Variants in SACS observed in about 807,000 individuals in gnomAD.
SACS encodes sacsin molecular chaperone.
Under a neutral mutation model 348.0 loss-of-function variants are expected in SACS, and 197 were observed. The ratio of observed to expected loss-of-function variants is 0.57; its 90% CI spans 0.50 to 0.64. The LOEUF (loss-of-function observed/expected upper bound fraction) is 0.64, where lower values mean the gene tolerates loss of function less well. SACS is among the 30% of genes least tolerant of loss of function. The pLI, the probability that SACS is intolerant of heterozygous loss-of-function variation, is 0.00. For missense variants in SACS, 4,999 were observed against 5,360.8 expected (o/e 0.93, Z 2.11); for synonymous variants, 1,985 against 1,910.6 (o/e 1.04, Z -1.02).
intron 6 of SACS, among the ~76,000 whole-genome samples, chr13:23,358,696 G>A (rs1870545432): frequency 6.6e-6 from 1 of 151,960 alleles, no homozygotes; most frequent in Non-Finnish European, 1.5e-5. Flanking sequence ...TACTATTGTT[G>A]GCCAAAAATC....
chr13:23,368,185 C>T (rs1020670377), intron 5 of SACS, among the ~76,000 whole-genome samples: 1 of 152,126 alleles, frequency 6.6e-6, no homozygotes, highest in Non-Finnish European at 1.5e-5. Flanking sequence ...AGTAGCTTAG[C>T]GCATTTCTTT....
At chr13:23,392,628 G>A (rs897726633) in intron 2 of SACS, among the ~76,000 whole-genome samples, 5 of 152,164 alleles carry the variant, frequency 3.3e-5, no homozygotes, top group African/African-American at 9.7e-5. Context: ...TATGAAAAAA[G>A]TAACTGATTC....
chr13:23,400,625 T>A (rs1566102939), intron 2 of SACS, among the ~76,000 whole-genome samples: 3 of 152,166 alleles, frequency 2.0e-5, no homozygotes. Context: ...TTTCACCGTG[T>A]TAGCCAGGAT....
intron 1 of SACS, among the ~76,000 whole-genome samples, chr13:23,415,246 G>A (rs868697711): frequency 1.1e-4 from 16 of 152,240 alleles, no homozygotes; most frequent in Middle Eastern, 3.4e-3. Flanking sequence ...TAGCCAGGCT[G>A]CTCTCGAACT....
At chr13:23,404,039 A>G (rs1454842989) in intron 2 of SACS, among the ~76,000 whole-genome samples, 2 of 152,170 alleles carry the variant, frequency 1.3e-5, no homozygotes, top group Non-Finnish European at 2.9e-5. Context: ...TTCAGTTTCC[A>G]TTTAGTTGTG....
Position 23,333,256 on chromosome 13 carries a change from G to A in SACS, c.10620C>T (p.Phe3540=), listed in dbSNP as rs192339917. 32 of 1,600,570 alleles carry A rather than the reference G, an allele frequency of 2.0e-5. No homozygotes were observed. In the East Asian group the frequency reaches 6.9e-4, roughly 35 times the overall value. Residue 3540 remains phenylalanine, a synonymous_variant, in exon 10 of 10, where the codon TTC becomes TTT. Coordinates refer to ENST00000382292, the MANE Select transcript of SACS (RefSeq NM_014363.6). ...ANSRLKQAKH[F]YDRTVRVFEV... ...CAAAAACTCTCACAGTTCTATCATA[G>A]AAATGCTTTGCTTGCTTTAGTCTAC... is the stretch of plus-strand genomic sequence containing the variant.
At position 23,329,255 on chromosome 13, in the gene SACS, T is replaced by G; in HGVS notation, c.*881A>C. On this transcript the variant is annotated 3_prime_UTR_variant, in exon 10 of 10. Transcript: ENST00000382292. ...ATGCCATATTGAAAGAAAAGGTTGT[T>G]TTTTTTTTAACTGCAGCACCTTTAG... 3 of 516,106 alleles carry G rather than the reference T, an allele frequency of 5.8e-6. No individual in the cohort carries two copies. Among genetic ancestry groups the G allele is most frequent in the African/African-American group, 4.1e-5 (2 of 49,246 alleles). 32.0% of individuals were successfully genotyped at this position (516,106 alleles called of 1,614,324 possible). A position where few individuals can be genotyped will look rare whatever the true frequency, so the allele number is the denominator to read the frequency against.
chr13:23,356,279 A>G (rs1240579590), intron 7 of SACS, among the ~76,000 whole-genome samples: 1 of 152,224 alleles, frequency 6.6e-6, no homozygotes, highest in Non-Finnish European at 1.5e-5. Context: ...ACTACACAAA[A>G]GATGGGCAGA....
chr13:23,349,779 A>G (rs1869836693), intron 9 of SACS, among the ~76,000 whole-genome samples: 1 of 152,328 alleles, frequency 6.6e-6, no homozygotes, highest in East Asian at 1.9e-4. Context: ...ATGAGGAAAC[A>G]GGGGCTCAGA....
intron 9 of SACS, among the ~76,000 whole-genome samples, chr13:23,345,737 T>C (rs1289646445): frequency 6.6e-6 from 1 of 152,198 alleles, no homozygotes; most frequent in African/African-American, 2.4e-5. Context: ...ATTATCACTA[T>C]AATAATGACT....
At chr13:23,347,603 TAGA>T (rs2137675673) in intron 9 of SACS, among the ~76,000 whole-genome samples, 1 of 152,262 alleles carries the variant, frequency 6.6e-6, no homozygotes, top group East Asian at 1.9e-4. Context: ...GCTAGAGATA[TAGA>T]AATGGACAAC....
intron 9 of SACS, among the ~76,000 whole-genome samples, chr13:23,343,846 GA>G (rs764740244): frequency 2.6e-5 from 4 of 152,154 alleles, no homozygotes; most frequent in Non-Finnish European, 4.4e-5. Context: ...CTTCTACCAA[GA>G]AATTGCCTTT....
intron 1 of SACS, among the ~76,000 whole-genome samples, chr13:23,418,114 C>T (rs746411926): frequency 2.7e-5 from 4 of 150,308 alleles, no homozygotes; most frequent in Non-Finnish European, 4.4e-5. Flanking sequence ...TTTCTGCTCA[C>T]CTAAGGCAAG....
At position 23,411,243 on chromosome 13, in the gene SACS, C is replaced by T. The variant is rs372435609; in HGVS notation, c.-4G>A. ...ACCTGTTCTCCTTGGTCTCCATGAT[C>T]ACTTCTCCTGGGATATTTGTTTGTG... On this transcript the variant is annotated 5_prime_UTR_variant, in exon 2 of 10. Transcript: ENST00000382292. The T allele has an allele frequency of 2.5e-6, 4 of 1,607,334 alleles. No homozygotes were observed. In the African/African-American group the frequency reaches 5.3e-5, roughly 21 times the overall value.
rs1436708286 is a variant in SACS, at chr13:23,355,416, C to A, written c.1196G>T (p.Gly399Val). 1 of 1,614,026 alleles carries A rather than the reference C, an allele frequency of 6.2e-7. No homozygotes were observed. Among genetic ancestry groups the A allele is most frequent in the Non-Finnish European group, 8.5e-7 (1 of 1,180,040 alleles). Residue 399 changes from glycine (G) to valine (V), a missense_variant, in exon 8 of 10, where the codon GGT becomes GTT. Physicochemically the swap from Gly to Val is moderately radical, Grantham distance 109. Transcript: ENST00000382292. ...AAGCTTACTACTGATCCCTCGCCCA[C>A]CCACACTGTTACACACCAACCAAGA... is the stretch of plus-strand genomic sequence containing the variant. ...KTSWLVCNSVGGRGISSKLDS... is the reference protein window; with the variant it reads ...KTSWLVCNSVVGRGISSKLDS...
At chr13:23,385,557 C>A (rs1052085967) in intron 2 of SACS, among the ~76,000 whole-genome samples, 2 of 152,068 alleles carry the variant, frequency 1.3e-5, no homozygotes, top group Admixed American at 1.3e-4. Flanking sequence ...GAGGTTTCAT[C>A]ATGTTGGTTA....
chr13:23,368,981 G>C (rs182391501), intron 4 of SACS, among the ~76,000 whole-genome samples: 1 of 152,154 alleles, frequency 6.6e-6, no homozygotes, highest in African/African-American at 2.4e-5. Flanking sequence ...TTCCAGGCGT[G>C]AGCCACCATG....
intron 1 of SACS, among the ~76,000 whole-genome samples, chr13:23,433,220 A>G (rs191786072): frequency 2.4e-4 from 37 of 152,292 alleles, no homozygotes; most frequent in Admixed American, 1.4e-3. Flanking sequence ...TGTTACTGCA[A>G]CAGCTCCATT....
At chr13:23,366,003 C>A (rs540194602) in intron 5 of SACS, among the ~76,000 whole-genome samples, 1 of 152,252 alleles carries the variant, frequency 6.6e-6, no homozygotes, top group Non-Finnish European at 1.5e-5. Flanking sequence ...CTTCTGCACA[C>A]CTACTAAAAT....
Sources: gnomAD v4.1 joint callset for allele counts (sites outside exome capture counted in the v4.1 genomes callset) on GRCh38, gnomAD v4.1.1 for gene constraint, MANE v1.5 for transcripts, NCBI Gene and HGNC (gene_info 2026-07-23, HGNC 2026-07-21) for gene names.